ITCH: variants seen among roughly 807,000 people sequenced by gnomAD.
ITCH encodes the protein itchy E3 ubiquitin protein ligase.
Under a neutral mutation model 126.8 loss-of-function variants are expected in ITCH, and 28 were observed. The ratio of observed to expected loss-of-function variants is 0.22; its 90% CI spans 0.16 to 0.30. ITCH has a LOEUF of 0.30. Ranked by LOEUF, ITCH falls within the 10% of genes least tolerant of loss-of-function variation. The pLI is 1.00. For missense variants in ITCH, 631 were observed against 1,032.4 expected (o/e 0.61, Z 5.33); for synonymous variants, 342 against 340.0 (o/e 1.01, Z -0.06).
chr20:34,379,723 T>A (rs1251250307), intron 2 of ITCH, among the ~76,000 whole-genome samples: 1 of 151,090 alleles, frequency 6.6e-6, no homozygotes, highest in African/African-American at 2.4e-5. Context: ...GCCTCCCAAG[T>A]AGCTGGGAGT....
intron 17 of ITCH, among the ~76,000 whole-genome samples, chr20:34,478,094 A>G (rs944250478): frequency 2.0e-5 from 3 of 152,210 alleles, no homozygotes; most frequent in African/African-American, 7.2e-5. Context: ...TCTTCAGGGT[A>G]ACCTTGTGAT....
chr20:34,476,359 C>A, intron 16 of ITCH: 1 of 1,339,068 alleles, frequency 7.5e-7, no homozygotes, highest in Non-Finnish European at 9.9e-7. Flanking sequence ...TCCCCGGCTC[C>A]TCAGCAGGCC....
chr20:34,446,433 A>C (rs1427758384), intron 11 of ITCH, among the ~76,000 whole-genome samples: 2 of 152,098 alleles, frequency 1.3e-5, no homozygotes, highest in Admixed American at 1.3e-4. Context: ...TCATCATCAT[A>C]ATAGCACTCA....
chr20:34,433,670 A>C (rs1434490132), intron 7 of ITCH, among the ~76,000 whole-genome samples: 1 of 151,896 alleles, frequency 6.6e-6, no homozygotes, highest in Non-Finnish European at 1.5e-5. Flanking sequence ...AAAAAAAAAA[A>C]AACCCAAAAA....
chr20:34,370,663 CAAAA>C (rs113103425), intron 2 of ITCH, among the ~76,000 whole-genome samples: 2 of 129,408 alleles, frequency 1.5e-5, no homozygotes, highest in Non-Finnish European at 1.7e-5. Flanking sequence ...GAGTCTGTCT[CAAAA>C]AAAAAAAAAA....
chr20:34,380,822 C>CT (rs2038032421), intron 2 of ITCH, among the ~76,000 whole-genome samples: 1 of 151,962 alleles, frequency 6.6e-6, no homozygotes, highest in Non-Finnish European at 1.5e-5. Flanking sequence ...GAGTCTCACT[C>CT]TGTCACCCAG....
Position 34,439,725 on chromosome 20 carries a change from G to A in ITCH, c.680-430G>A, listed in dbSNP as rs768804657. On this transcript the variant is annotated intron_variant, in intron 8 of 24. Coordinates refer to ENST00000374864, the MANE Select transcript of ITCH (RefSeq NM_031483.7). ...ATGACTACTAACTATCTGTAAGAAT[G>A]TTATTTCTTATCAGACCTTCCATAT... 2.0e-5 allele frequency among the ~76,000 whole-genome samples: 3 copies of A among 152,158 alleles called. 1 individual carries two copies. The highest frequency in any genetic ancestry group is 2.9e-5 in the Non-Finnish European group (2 of 68,028).
At chr20:34,389,051 C>G (rs921658666) in intron 2 of ITCH, among the ~76,000 whole-genome samples, 8 of 152,208 alleles carry the variant, frequency 5.3e-5, no homozygotes, top group Non-Finnish European at 1.0e-4. Context: ...ATAACCACGT[C>G]AGTGCATGCT....
At chr20:34,389,477 A>G (rs1244890086) in intron 2 of ITCH, among the ~76,000 whole-genome samples, 4 of 152,128 alleles carry the variant, frequency 2.6e-5, no homozygotes, top group South Asian at 4.1e-4. Flanking sequence ...TTTAGTCACT[A>G]ATTTTGACTT....
chr20:34,367,434 T>C (rs2037461796), intron 1 of ITCH, among the ~76,000 whole-genome samples: 1 of 152,216 alleles, frequency 6.6e-6, no homozygotes, highest in South Asian at 2.1e-4. Flanking sequence ...AGTGTTTTTC[T>C]CTCAGCCTGT....
chr20:34,468,515 G>T (rs1987309638), intron 14 of ITCH, among the ~76,000 whole-genome samples: 1 of 151,978 alleles, frequency 6.6e-6, no homozygotes, highest in Non-Finnish European at 1.5e-5. Context: ...TACAGGCCGG[G>T]CATGGTGGCT....
chr20:34,383,151 C>T (rs2038133123), intron 2 of ITCH, among the ~76,000 whole-genome samples: 1 of 152,034 alleles, frequency 6.6e-6, no homozygotes, highest in Non-Finnish European at 1.5e-5. Flanking sequence ...TGGCGATGCT[C>T]CTGTGTCAGT....
At chr20:34,457,148 C>G (rs1435256198) in intron 12 of ITCH, among the ~76,000 whole-genome samples, 1 of 152,050 alleles carries the variant, frequency 6.6e-6, no homozygotes, top group Non-Finnish European at 1.5e-5. Context: ...TAGAAAGGTC[C>G]TATGGTTAGG....
intron 6 of ITCH, among the ~76,000 whole-genome samples, chr20:34,414,672 G>T (rs1160836635): frequency 6.6e-6 from 1 of 151,886 alleles, no homozygotes; most frequent in African/African-American, 2.4e-5. Flanking sequence ...TAGAGATGGG[G>T]TTTTTCCATG....
Position 34,457,034 on chromosome 20 carries a change from A to G in ITCH, c.1211-356A>G, listed in dbSNP as rs929781044. On this transcript the variant is annotated intron_variant, in intron 12 of 24. Coordinates refer to ENST00000374864, the MANE Select transcript of ITCH (RefSeq NM_031483.7). The stretch of plus-strand genomic sequence containing the variant: ...CTGAGTTTTCTTATCTTAAGGATAA[A>G]GATGAATTCACCTACCCTATGGGAC... 4.3e-4 allele frequency among the ~76,000 whole-genome samples: 66 copies of G among 152,138 alleles called. 1 individual carries two copies. The highest frequency in any genetic ancestry group is 1.0e-4 in the Non-Finnish European group (7 of 68,028).
chr20:34,412,924 A>G (rs1979248943), intron 5 of ITCH, among the ~76,000 whole-genome samples: 1 of 152,220 alleles, frequency 6.6e-6, no homozygotes, highest in Non-Finnish European at 1.5e-5. Context: ...AATATAGAGC[A>G]GAGATGAAAG....
In ITCH at chr20:34,369,444, A is replaced by G; in HGVS notation, c.-48A>G. ...GTGGAGACAACGCCTTAACCCAAGG[A>G]AGTGACTCAAACTGTGAGAACTTCA... On this transcript the variant is annotated 5_prime_UTR_variant, in exon 2 of 25. Transcript: ENST00000374864. 1.0e-5 allele frequency: 4 copies of G among 399,098 alleles called. 1 individual carries two copies. The South Asian group carries it at 3.8e-4, about 38-fold the overall frequency. The allele number at this position is 399,098 out of a possible 1,614,324, so 24.7% of individuals were successfully genotyped here. A position where few individuals can be genotyped will look rare whatever the true frequency, so the allele number is the denominator to read the frequency against.
rs948815930 is a variant in ITCH, at chr20:34,425,376, C to T, written c.521+851C>T. On this transcript the variant is annotated intron_variant, in intron 7 of 24. Transcript: ENST00000374864. ...ACTGAGACAGCCTGAGATATGGCCTCGTGGGAAAGGAAAAACCTTACATCC... is the reference window on the plus strand; with the variant it reads ...ACTGAGACAGCCTGAGATATGGCCTTGTGGGAAAGGAAAAACCTTACATCC... 7.2e-5 allele frequency among the ~76,000 whole-genome samples: 11 copies of T among 151,982 alleles called. 1 individual carries two copies. Among genetic ancestry groups the T allele is most frequent in the Non-Finnish European group, 1.2e-4 (8 of 68,020 alleles).
chr20:34,370,237 C>G (rs775109194), intron 2 of ITCH, among the ~76,000 whole-genome samples: 66 of 152,248 alleles, frequency 4.3e-4, no homozygotes, highest in Non-Finnish European at 8.7e-4. Flanking sequence ...TTAATCTTGC[C>G]AGACCTCAGT....
Sources: allele counts gnomAD v4.1 joint callset (sites outside exome capture counted in the v4.1 genomes callset), GRCh38; gene constraint gnomAD v4.1.1; transcripts MANE v1.5; gene names NCBI Gene and HGNC (gene_info 2026-07-23, HGNC 2026-07-21).